BMPR2: variants seen among roughly 807,000 people sequenced by gnomAD.
BMPR2 encodes bone morphogenetic protein receptor type-2.
BMPR2 carries 29 observed loss-of-function variants against 100.8 expected under a neutral mutation model. That is an observed-to-expected ratio of 0.29 (90% CI 0.21 to 0.39). The LOEUF (loss-of-function observed/expected upper bound fraction) is 0.39, where lower values mean the gene tolerates loss of function less well. Among genes scored for constraint, BMPR2 ranks in the 10% least tolerant of loss-of-function variants. The pLI, the probability that BMPR2 is intolerant of heterozygous loss-of-function variation, is 1.00. For missense variants in BMPR2, 1,011 were observed against 1,274.5 expected (o/e 0.79, Z 3.15); for synonymous variants, 382 against 442.3 (o/e 0.86, Z 1.71).
At chr2:202,541,063 T>C (rs945724115) in intron 9 of BMPR2, among the ~76,000 whole-genome samples, 22 of 152,218 alleles carry the variant, frequency 1.4e-4, no homozygotes. Context: ...ATTGTGCTTA[T>C]TGGCAATGAA....
intron 1 of BMPR2, among the ~76,000 whole-genome samples, chr2:202,463,070 T>C (rs1692253321): frequency 6.6e-6 from 1 of 152,162 alleles, no homozygotes; most frequent in South Asian, 2.1e-4. Flanking sequence ...TTTAAGAGGT[T>C]CTATTTTTAT....
intron 1 of BMPR2, among the ~76,000 whole-genome samples, chr2:202,386,620 G>C (rs963568491): frequency 6.6e-6 from 1 of 151,332 alleles, no homozygotes; most frequent in South Asian, 2.1e-4. Context: ...TGTTTCCTCT[G>C]TTAACGTCTT....
intron 1 of BMPR2, among the ~76,000 whole-genome samples, chr2:202,378,364 T>A (rs1158401998): frequency 6.6e-6 from 1 of 152,226 alleles, no homozygotes; most frequent in Non-Finnish European, 1.5e-5. Flanking sequence ...TTTGGTGATT[T>A]GCTTTTAGAA....
chr2:202,473,914 G>A (rs530912917), intron 3 of BMPR2, among the ~76,000 whole-genome samples: 5 of 151,922 alleles, frequency 3.3e-5, no homozygotes, highest in Non-Finnish European at 7.4e-5. Context: ...AGATCAGCTT[G>A]GCCAATATGG....
chr2:202,534,243 TTTTTA>T (rs1688083195), intron 9 of BMPR2, among the ~76,000 whole-genome samples: 1 of 146,998 alleles, frequency 6.8e-6, no homozygotes, highest in Non-Finnish European at 1.5e-5. Flanking sequence ...ATAAATAAAA[TTTTTA>T]TTTATTTATT....
chr2:202,503,646 C>T lies in BMPR2; in HGVS notation c.419-10073C>T, dbSNP rs28814366. On this transcript the variant is annotated intron_variant, in intron 3 of 12. Coordinates refer to ENST00000374580, the MANE Select transcript of BMPR2 (RefSeq NM_001204.7). The surrounding 1 kb of genome is among the most constrained non-coding windows in gnomAD (Gnocchi z 4.0). ...GGACCTGCAGCCCGCCATGCCTGAG[C>T]CTCCCACCCCCTCCATGGGCCCCTG... Among the ~76,000 whole-genome samples, 953 of 152,322 alleles carry T rather than the reference C, an allele frequency of 6.3e-3. 15 individuals are homozygous for T. Among genetic ancestry groups the T allele is most frequent in the African/African-American group, 0.021 (889 of 41,578 alleles).
intron 1 of BMPR2, among the ~76,000 whole-genome samples, chr2:202,420,542 T>C (rs1465877263): frequency 7.9e-6 from 1 of 126,082 alleles, no homozygotes; most frequent in Admixed American, 7.8e-5. Context: ...GCATGATTTT[T>C]TTTTTTTTTT....
Position 202,556,222 on chromosome 2 carries a change from G to A in BMPR2, c.2557G>A (p.Gly853Ser). Reference sequence around the variant, plus strand: ...AGAAATGTTGCAGAATCAGTTTATTGGTGAGGACACCCGGCTGAATATTAA... The same window carrying A: ...AGAAATGTTGCAGAATCAGTTTATTAGTGAGGACACCCGGCTGAATATTAA... ...AQEMLQNQFI[G>S]EDTRLNINSS... Residue 853 changes from glycine (G) to serine (S), a missense_variant, in exon 12 of 13, where the codon GGT (glycine) becomes AGT (serine). Around this residue, in one of 6 missense-constraint regions of BMPR2, gnomAD observed 508 missense variants for 552.0 expected, o/e 0.92. Coordinates refer to ENST00000374580, the MANE Select transcript of BMPR2 (RefSeq NM_001204.7). 6.2e-7 allele frequency: 1 copy of A among 1,612,898 alleles called. No homozygotes were observed. Among genetic ancestry groups the A allele is most frequent in the East Asian group, 2.2e-5 (1 of 44,852 alleles).
intron 1 of BMPR2, among the ~76,000 whole-genome samples, chr2:202,451,470 G>A (rs1348108144): frequency 6.6e-6 from 1 of 152,058 alleles, no homozygotes; most frequent in Non-Finnish European, 1.5e-5. Flanking sequence ...AGGCCGAGAC[G>A]GGAGGATCAC....
chr2:202,556,210 A>G lies in BMPR2; in HGVS notation c.2545A>G (p.Asn849Asp). ...ACATAGGGCCCAAGAAATGTTGCAGAATCAGTTTATTGGTGAGGACACCCG... is the reference window on the plus strand; with the variant it reads ...ACATAGGGCCCAAGAAATGTTGCAGGATCAGTTTATTGGTGAGGACACCCG... Reference protein sequence around the residue: ...VTHRAQEMLQNQFIGEDTRLN... With the variant: ...VTHRAQEMLQDQFIGEDTRLN... The change falls in exon 12 of 13, where the codon AAT becomes GAT. Residue 849 changes from asparagine (N) to aspartate (D), a missense_variant. Physicochemically the swap from Asn to Asp is conservative, Grantham distance 23 (BLOSUM62 1). Coordinates refer to ENST00000374580, the MANE Select transcript of BMPR2 (RefSeq NM_001204.7). 1 of 1,611,678 alleles carries G rather than the reference A, an allele frequency of 6.2e-7. No homozygotes were observed. Among genetic ancestry groups the G allele is most frequent in the Non-Finnish European group, 8.5e-7 (1 of 1,177,958 alleles).
At chr2:202,511,027 G>T (rs866576258) in intron 3 of BMPR2, among the ~76,000 whole-genome samples, 24 of 145,768 alleles carry the variant, frequency 1.6e-4, no homozygotes, top group Non-Finnish European at 2.4e-4. Context: ...ACATAACTTA[G>T]AATTAGTCAT....
At chr2:202,420,537 A>ATTT (rs10555458) in intron 1 of BMPR2, among the ~76,000 whole-genome samples, 5 of 59,012 alleles carry the variant, frequency 8.5e-5, no homozygotes, top group Admixed American at 4.9e-4. Flanking sequence ...TAGAAGCATG[A>ATTT]TTTTTTTTTT....
rs1397699438 is a variant in BMPR2, at chr2:202,379,876, C to G, written c.76+2326C>G. On this transcript the variant is annotated intron_variant, in intron 1 of 12. Transcript: ENST00000374580. Reference sequence around the variant, plus strand: ...TTTCTTTCTTTCTTTCTTTTTTGTTCAGACAGAGTATCACTCTGTCGCCCA... The same window carrying G: ...TTTCTTTCTTTCTTTCTTTTTTGTTGAGACAGAGTATCACTCTGTCGCCCA... 2.9e-5 allele frequency among the ~76,000 whole-genome samples: 4 copies of G among 135,814 alleles called. No individual in the cohort carries two copies. The Admixed American group carries it at 3.0e-4, about 10-fold the overall frequency. The allele number at this position is 135,814 out of a possible 152,430, so 89.1% of individuals were successfully genotyped here. A position where few individuals can be genotyped will look rare whatever the true frequency, so the allele number is the denominator to read the frequency against.
chr2:202,479,462 A>AT (rs1342446038), intron 3 of BMPR2, among the ~76,000 whole-genome samples: 5 of 151,302 alleles, frequency 3.3e-5, no homozygotes, highest in African/African-American at 1.2e-4. Context: ...AATTTTTTTA[A>AT]TAAAAAAAAG....
chr2:202,485,543 A>ATTTTTTTTT (rs1574472655), intron 3 of BMPR2, among the ~76,000 whole-genome samples: 2 of 14,046 alleles, frequency 1.4e-4, no homozygotes, highest in Admixed American at 1.1e-3. Flanking sequence ...CTTTGCCTTT[A>ATTTTTTTTT]TCTTTTTTTT....
chr2:202,428,760 A>G (rs1691443029), intron 1 of BMPR2, among the ~76,000 whole-genome samples: 1 of 152,148 alleles, frequency 6.6e-6, no homozygotes, highest in African/African-American at 2.4e-5. Flanking sequence ...ATGAAAATGG[A>G]AAGATTTATT....
At chr2:202,529,624 G>A (rs1452064720) in intron 7 of BMPR2, among the ~76,000 whole-genome samples, 1 of 152,084 alleles carries the variant, frequency 6.6e-6, no homozygotes, top group Non-Finnish European at 1.5e-5. Context: ...ACAGGAAGTG[G>A]GTAAGGGAGG....
At chr2:202,559,153 T>G (rs1688636570) in intron 12 of BMPR2, among the ~76,000 whole-genome samples, 1 of 151,368 alleles carries the variant, frequency 6.6e-6, no homozygotes, top group African/African-American at 2.4e-5. Flanking sequence ...ATACAAAAAA[T>G]TAGCTGGTCA....
At chr2:202,456,445 T>A (rs1692108160) in intron 1 of BMPR2, among the ~76,000 whole-genome samples, 1 of 151,614 alleles carries the variant, frequency 6.6e-6, no homozygotes, top group African/African-American at 2.4e-5. Context: ...TCCAAACTGC[T>A]GGGATTACAG....
Sources: gnomAD v4.1 joint callset for allele counts (sites outside exome capture counted in the v4.1 genomes callset) on GRCh38, gnomAD v4.1.1 for gene constraint, gnomAD v4.1.1 regional missense constraint, Gnocchi (gnomAD v3.1) non-coding constraint, MANE v1.5 for transcripts, NCBI Gene and HGNC (gene_info 2026-07-23, HGNC 2026-07-21) for gene names.